NOX5: variants seen among roughly 807,000 people sequenced by gnomAD.
NOX5 encodes the protein NADPH oxidase, EF-hand calcium binding domain 5.
Under a neutral mutation model 85.7 loss-of-function variants are expected in NOX5, and 76 were observed. The observed-to-expected ratio is 0.89, with a 90% confidence interval of 0.74 to 1.07. NOX5 has a LOEUF of 1.07. NOX5 is among the 50% of genes least tolerant of loss of function. The probability of loss-of-function intolerance (pLI) is 0.00; values close to 1 mark genes in which losing one functional copy is unlikely to be tolerated. For synonymous variants in NOX5, 405 were observed against 401.4 expected, an observed-to-expected ratio of 1.01 and a Z score of -0.11; for missense variants, 973 against 999.5, an observed-to-expected ratio of 0.97 and a Z score of 0.36.
At chr15:69,042,580 C>T (rs935392146) in intron 9 of NOX5, 83 bp from the exon 10 acceptor site, 24 of 1,458,132 alleles carry the variant, frequency 1.6e-5, no homozygotes, top group Admixed American at 1.0e-4. Context: ...GGCCCAGCAG[C>T]AATCCCTCCA....
chr15:69,040,307 G>A (rs1390904907), intron 9 of NOX5, among the ~76,000 whole-genome samples: 1 of 152,152 alleles, frequency 6.6e-6, no homozygotes, highest in East Asian at 1.9e-4. Context: ...AGAGAACTCA[G>A]ACAATATCAA....
chr15:69,052,629 A>G (rs2050763339), intron 14 of NOX5, among the ~76,000 whole-genome samples: 1 of 152,250 alleles, frequency 6.6e-6, no homozygotes. Context: ...AACACAGTTT[A>G]TACATTCAAG....
intron 2 of NOX5, 48 bp from the exon 3 acceptor site, chr15:69,028,167 A>T: frequency 6.5e-7 from 1 of 1,536,126 alleles, no homozygotes; most frequent in Non-Finnish European, 8.8e-7. Context: ...TTCAAAGCCC[A>T]GGCCCTGCGG....
intron 3 of NOX5, chr15:69,028,717 T>G (rs1055255091): frequency 5.9e-6 from 1 of 169,466 alleles, no homozygotes; most frequent in Non-Finnish European, 1.3e-5. Flanking sequence ...CCTCATAGTA[T>G]AAGCTCACTA....
At chr15:69,017,926 T>C (rs2050250744) in intron 1 of NOX5, among the ~76,000 whole-genome samples, 1 of 151,980 alleles carries the variant, frequency 6.6e-6, no homozygotes, top group African/African-American at 2.4e-5. Context: ...TAGAAAACCA[T>C]GGAAGTGCTG....
intron 1 of NOX5, chr15:69,023,493 G>A: frequency 2.7e-6 from 1 of 374,198 alleles, no homozygotes; most frequent in Non-Finnish European, 5.2e-6. Context: ...AATAGAGCCA[G>A]GGTTGTCTTC....
intron 13 of NOX5, 91 bp from the exon 14 acceptor site, chr15:69,048,868 G>T: frequency 1.2e-6 from 1 of 829,316 alleles, no homozygotes; most frequent in Non-Finnish European, 2.0e-6. Flanking sequence ...GCTTACTTCA[G>T]GGTGGTCATA....
At chr15:69,032,811 AAGT>A (rs2050455549) in intron 4 of NOX5, among the ~76,000 whole-genome samples, 2 of 152,108 alleles carry the variant, frequency 1.3e-5, no homozygotes, top group South Asian at 4.2e-4. Context: ...AAGTAAAGAG[AAGT>A]AATAAAAATA....
rs761215079 is a variant in NOX5, at chr15:69,033,107, C to T, written c.685C>T (p.Arg229Cys). 4.5e-6 allele frequency: 7 copies of T among 1,556,850 alleles called. No homozygotes were observed. Among genetic ancestry groups the T allele is most frequent in the Admixed American group, 3.7e-5 (2 of 53,810 alleles). The change falls in exon 5 of 16, where the codon CGC (arginine) becomes TGC (cysteine). Residue 229 changes from arginine (R) to cysteine (C), a missense_variant. Transcript: ENST00000388866. ...PRPRRPRQLT[R>C]AYWHNHRSQL... ...CCCGCGCCGGCCGCGCCAGCTGACC[C>T]GCGCCTACTGGCACAACCACCGCAG... is the stretch of plus-strand genomic sequence containing the variant.
chr15:69,035,535 G>A (rs375339280), intron 6 of NOX5, 28 bp downstream of exon 6: 97 of 1,611,844 alleles, frequency 6.0e-5, no homozygotes, highest in Middle Eastern at 1.6e-4. Flanking sequence ...GGGTTGGGTC[G>A]GGGAGAAGCT....
intron 1 of NOX5, among the ~76,000 whole-genome samples, chr15:69,016,647 T>C (rs985979227): frequency 1.3e-5 from 2 of 152,078 alleles, no homozygotes; most frequent in Non-Finnish European, 2.9e-5. Context: ...AAGGTGTACA[T>C]ACCTAATCAT....
intron 1 of NOX5, among the ~76,000 whole-genome samples, chr15:69,025,314 C>T (rs577527522): frequency 1.3e-4 from 20 of 151,770 alleles, no homozygotes; most frequent in African/African-American, 4.1e-4. Context: ...AGCCTTTGCT[C>T]GCTTAGAAAT....
At chr15:69,049,173 A>G (rs994260218) in intron 14 of NOX5, 115 bp downstream of exon 14, 1 of 548,476 alleles carries the variant, frequency 1.8e-6, no homozygotes, top group East Asian at 3.5e-5. Flanking sequence ...CCATTTAACC[A>G]TTAAAGTGAA....
At position 69,049,124 on chromosome 15, in the gene NOX5, ATAAT is replaced by A; in HGVS notation, c.1999+68_1999+71del. ...AGGGGCCTTCAGCTTCTTTAAAAAA[ATAAT>A]TTATTGATATGAAACTCACGTAACC... is the stretch of plus-strand genomic sequence containing the variant. On this transcript the variant is annotated intron_variant, in intron 14 of 15. Coordinates refer to ENST00000388866, the MANE Select transcript of NOX5 (RefSeq NM_024505.4). 3.9e-6 allele frequency: 4 copies of A among 1,016,762 alleles called. No individual in the cohort carries two copies. In the South Asian group the frequency reaches 4.9e-5, roughly 13 times the overall value. 63.0% of individuals were successfully genotyped at this position (1,016,762 alleles called of 1,614,324 possible).
rs995156681 is a variant in NOX5, at chr15:69,056,795, C to A, written c.*99C>A. The A allele has an allele frequency of 1.4e-6, 2 of 1,453,586 alleles. No individual in the cohort carries two copies. Among genetic ancestry groups the A allele is most frequent in the Non-Finnish European group, 1.9e-6 (2 of 1,079,190 alleles). 90.0% of individuals were successfully genotyped at this position (1,453,586 alleles called of 1,614,324 possible). ...AGGGACCAGCCTCAGATGACCCACCCAATAAGACAAAGCCTAGGGACCCCC... is the reference window on the plus strand; with the variant it reads ...AGGGACCAGCCTCAGATGACCCACCAAATAAGACAAAGCCTAGGGACCCCC... On this transcript the variant is annotated 3_prime_UTR_variant, in exon 16 of 16. Transcript: ENST00000388866.
At position 69,031,647 on chromosome 15, in the gene NOX5, C is replaced by T. The variant is rs747701698; in HGVS notation, c.455C>T (p.Ser152Leu). ...GATGAGCTGCGCACTGTGCTGCAGTCGTGTCTGCGCGAGAGCGCCATCTCG... is the reference window on the plus strand; with the variant it reads ...GATGAGCTGCGCACTGTGCTGCAGTTGTGTCTGCGCGAGAGCGCCATCTCG... ...DPDELRTVLQ[S>L]CLRESAISLP... is the part of the protein sequence containing the mutation. The change falls in exon 4 of 16, where the codon TCG (serine) becomes TTG (leucine). Residue 152 changes from serine (S) to leucine (L), a missense_variant. Coordinates refer to ENST00000388866, the MANE Select transcript of NOX5 (RefSeq NM_024505.4). The T allele has an allele frequency of 5.0e-6, 8 of 1,613,328 alleles. No homozygotes were observed. In the Admixed American group the frequency reaches 6.7e-5, roughly 13 times the overall value.
Position 69,031,390 on chromosome 15 carries a change from G to C in NOX5, c.326-128G>C, listed in dbSNP as rs1026065820. 3.7e-6 allele frequency: 4 copies of C among 1,083,206 alleles called. No individual in the cohort carries two copies. In the East Asian group the frequency reaches 7.4e-5, roughly 20 times the overall value. The allele number at this position is 1,083,206 out of a possible 1,614,324, so 67.1% of individuals were successfully genotyped here. On this transcript the variant is annotated intron_variant, in intron 3 of 15. Transcript: ENST00000388866. Reference sequence around the variant, plus strand: ...CATTGCTGTTGAGCTAGGCAGTCGGGAACATGGAAGGTTTCTGAGCTGAGG... The same window carrying C: ...CATTGCTGTTGAGCTAGGCAGTCGGCAACATGGAAGGTTTCTGAGCTGAGG...
At chr15:69,054,539 G>A (rs1289418628) in intron 14 of NOX5, among the ~76,000 whole-genome samples, 1 of 152,188 alleles carries the variant, frequency 6.6e-6, no homozygotes, top group Non-Finnish European at 1.5e-5. Context: ...TCCCATCCGA[G>A]GATGCGGCTC....
Position 69,031,828 on chromosome 15 carries a change from G to C in NOX5, c.620+16G>C. 1 of 1,586,600 alleles carries C rather than the reference G, an allele frequency of 6.3e-7. No individual in the cohort carries two copies. Among genetic ancestry groups the C allele is most frequent in the Non-Finnish European group, 8.6e-7 (1 of 1,161,668 alleles). ...TGACCATCAGGTACGGCCGGGTCTC[G>C]GGCATTGGCACTGTCCACGGCGGCG... is the stretch of plus-strand genomic sequence containing the variant. On this transcript the variant is annotated intron_variant, in intron 4 of 15. Transcript: ENST00000388866.
Sources: gnomAD v4.1 joint callset for allele counts (sites outside exome capture counted in the v4.1 genomes callset) on GRCh38, gnomAD v4.1.1 for gene constraint, MANE v1.5 for transcripts, NCBI Gene and HGNC (gene_info 2026-07-23, HGNC 2026-07-21) for gene names.